CD109: variants seen among roughly 807,000 people sequenced by gnomAD.
CD109 encodes CD109 antigen.
Under a neutral mutation model 165.8 loss-of-function variants are expected in CD109, and 149 were observed. That is an observed-to-expected ratio of 0.90 (90% CI 0.79 to 1.03). CD109 has a LOEUF of 1.03. Among genes scored for constraint, CD109 ranks in the 50% least tolerant of loss-of-function variants. The probability of loss-of-function intolerance (pLI) is 0.00; values close to 1 mark genes in which losing one functional copy is unlikely to be tolerated. For missense variants in CD109, 1,712 were observed against 1,677.8 expected, an observed-to-expected ratio of 1.02 and a Z score of -0.36; for synonymous variants, 585 against 592.1, an observed-to-expected ratio of 0.99 and a Z score of 0.18.
rs1173748852 is a variant in CD109, at chr6:73,765,985, A to G, written c.1163A>G (p.Asn388Ser). 1 of 1,614,042 alleles carries G rather than the reference A, an allele frequency of 6.2e-7. No individual in the cohort carries two copies. Among genetic ancestry groups the G allele is most frequent in the Non-Finnish European group, 8.5e-7 (1 of 1,180,010 alleles). The change falls in exon 11 of 33, where the codon AAT (asparagine) becomes AGT (serine). Residue 388 changes from asparagine to serine, a missense_variant. Asn to Ser is a conservative substitution (Grantham distance 46). Transcript: ENST00000287097. Reference protein sequence around the residue: ...NQLTLEERRNNVVITVTQRNY... With the variant: ...NQLTLEERRNSVVITVTQRNY... ...CTGACTCTTGAAGAAAGAAGAAATA[A>G]TGTAGTCATAACAGTGACACAGAGA... is the stretch of plus-strand genomic sequence containing the variant.
chr6:73,811,256 C>T, intron 28 of CD109, 109 bp downstream of exon 28: 1 of 1,285,828 alleles, frequency 7.8e-7, no homozygotes, highest in Non-Finnish European at 1.0e-6. Context: ...TTCCAGAGCT[C>T]TGTAGAGTAA....
chr6:73,788,610 T>C lies in CD109; in HGVS notation c.2699T>C (p.Ile900Thr), dbSNP rs1223865575. The C allele has an allele frequency of 5.6e-6, 9 of 1,610,912 alleles. No homozygotes were observed. The highest frequency in any genetic ancestry group is 1.7e-5 in the Admixed American group (1 of 59,488). ...TGSERVQITA[I>T]GDVLGPSING... ...AGTGAAAGAGTTCAGATCACTGCAA[T>C]TGGTAAGAATAGAGTATATCACCAT... The change falls in exon 22 of 33, where the codon ATT (isoleucine) becomes ACT (threonine). Residue 900 changes from isoleucine (I) to threonine (T), a missense_variant and splice_region_variant. Ile to Thr is a moderately conservative substitution (Grantham distance 89). Coordinates refer to ENST00000287097, the MANE Select transcript of CD109 (RefSeq NM_133493.5).
At chr6:73,774,913 A>T (rs1313256966) in intron 15 of CD109, among the ~76,000 whole-genome samples, 2 of 148,462 alleles carry the variant, frequency 1.3e-5, no homozygotes, top group African/African-American at 4.9e-5. Flanking sequence ...GGGAGTGAGG[A>T]TCCTGTCATA....
At chr6:73,699,752 T>A (rs1392057630) in intron 2 of CD109, among the ~76,000 whole-genome samples, 1 of 152,240 alleles carries the variant, frequency 6.6e-6, no homozygotes, top group Admixed American at 6.5e-5. Flanking sequence ...GCTTCTTTCA[T>A]GGGCTGTTTT....
intron 2 of CD109, among the ~76,000 whole-genome samples, chr6:73,710,921 C>A (rs1582043354): frequency 2.0e-5 from 3 of 152,142 alleles, no homozygotes; most frequent in Non-Finnish European, 4.4e-5. Context: ...TGGTTGTGTA[C>A]CAGCAGAACT....
At chr6:73,752,549 T>A (rs1460438595) in intron 5 of CD109, among the ~76,000 whole-genome samples, 1 of 152,206 alleles carries the variant, frequency 6.6e-6, no homozygotes, top group Non-Finnish European at 1.5e-5. Context: ...ACTCTTATTT[T>A]CTACTTCTGC....
Position 73,781,251 on chromosome 6 carries a change from C to G in CD109, c.1903-8C>G, listed in dbSNP as rs1330562447. ...GTTTTAAAAGAAAATAAAAATTATT[C>G]TTTTTAGGAATGTGGACTCTGGGTA... is the stretch of plus-strand genomic sequence containing the variant. On this transcript the variant is annotated splice_polypyrimidine_tract_variant and splice_region_variant and intron_variant, in intron 16 of 32. Coordinates refer to ENST00000287097, the MANE Select transcript of CD109 (RefSeq NM_133493.5). 3.7e-6 allele frequency: 6 copies of G among 1,606,722 alleles called. No homozygotes were observed. Among genetic ancestry groups the G allele is most frequent in the Admixed American group, 1.7e-5 (1 of 59,804 alleles).
intron 5 of CD109, among the ~76,000 whole-genome samples, chr6:73,753,554 T>C (rs933631187): frequency 6.6e-6 from 1 of 152,188 alleles, no homozygotes. Flanking sequence ...TATGAGCACC[T>C]TGGGAAGACA....
At chr6:73,726,741 C>G (rs145787252) in intron 3 of CD109, among the ~76,000 whole-genome samples, 1 of 152,132 alleles carries the variant, frequency 6.6e-6, no homozygotes, top group Non-Finnish European at 1.5e-5. Context: ...TATGTATACA[C>G]GAAATAGATG....
intron 2 of CD109, among the ~76,000 whole-genome samples, chr6:73,698,405 G>C (rs1041277347): frequency 6.6e-6 from 1 of 151,482 alleles, no homozygotes; most frequent in African/African-American, 2.4e-5. Flanking sequence ...GGCTGGTCTC[G>C]AACTCCTAAG....
chr6:73,710,187 A>T (rs899980335), intron 2 of CD109, among the ~76,000 whole-genome samples: 1 of 152,216 alleles, frequency 6.6e-6, no homozygotes, highest in Admixed American at 6.5e-5. Context: ...GTATATCTAG[A>T]AAACCCCATT....
chr6:73,794,118 TAAC>T (rs1196650130), intron 23 of CD109, among the ~76,000 whole-genome samples: 2 of 152,204 alleles, frequency 1.3e-5, no homozygotes, highest in Non-Finnish European at 2.9e-5. Context: ...ATGACAGTAA[TAAC>T]AACTAAATCT....
intron 3 of CD109, among the ~76,000 whole-genome samples, chr6:73,726,716 CAG>C (rs1240502382): frequency 6.6e-6 from 1 of 152,190 alleles, no homozygotes. Flanking sequence ...ATCATCTCCT[CAG>C]AGAGTTTGCA....
chr6:73,783,079 G>T, intron 18 of CD109, among the ~76,000 whole-genome samples: 1 of 151,908 alleles, frequency 6.6e-6, no homozygotes, highest in Non-Finnish European at 1.5e-5. Context: ...GTCACAGGAT[G>T]GGAAGCACTC....
At chr6:73,724,011 G>A (rs903405685) in intron 3 of CD109, among the ~76,000 whole-genome samples, 1 of 152,156 alleles carries the variant, frequency 6.6e-6, no homozygotes, top group Non-Finnish European at 1.5e-5. Context: ...GCAGTGCCAT[G>A]CTGAGACATA....
chr6:73,786,672 C>T (rs1051902805), intron 20 of CD109, among the ~76,000 whole-genome samples: 9 of 151,934 alleles, frequency 5.9e-5, no homozygotes, highest in East Asian at 1.9e-4. Context: ...GAAAATAATT[C>T]GTAAAATTTA....
chr6:73,798,879 C>T (rs930361086), intron 23 of CD109, among the ~76,000 whole-genome samples: 4 of 152,070 alleles, frequency 2.6e-5, no homozygotes, highest in African/African-American at 9.7e-5. Flanking sequence ...GGCACATGGT[C>T]CTCTCCTTGA....
intron 26 of CD109, among the ~76,000 whole-genome samples, chr6:73,808,478 G>A (rs1172290000): frequency 6.6e-6 from 1 of 152,022 alleles, no homozygotes; most frequent in Non-Finnish European, 1.5e-5. Context: ...GATATGTGAT[G>A]CCCTATGTCA....
Position 73,791,215 on chromosome 6 carries a change from ATATAT to A in CD109, c.2702-1410_2702-1406del, listed in dbSNP as rs1774951608. Among the ~76,000 whole-genome samples, 5 of 129,878 alleles carry A rather than the reference ATATAT, an allele frequency of 3.8e-5. No individual in the cohort carries two copies. The South Asian group carries it at 1.2e-3, about 32-fold the overall frequency. The allele number at this position is 129,878 out of a possible 152,430, so 85.2% of individuals were successfully genotyped here. A position where few individuals can be genotyped will look rare whatever the true frequency, so the allele number is the denominator to read the frequency against. On this transcript the variant is annotated intron_variant, in intron 22 of 32. Coordinates refer to ENST00000287097, the MANE Select transcript of CD109 (RefSeq NM_133493.5). ...TACATATATATATATATATATATAT[ATATAT>A]AATTTTTTTTTGGAAGAGGCAGGGT...
Sources: gnomAD v4.1 joint callset for allele counts (sites outside exome capture counted in the v4.1 genomes callset) on GRCh38, gnomAD v4.1.1 for gene constraint, MANE v1.5 for transcripts, NCBI Gene and HGNC (gene_info 2026-07-23, HGNC 2026-07-21) for gene names.